The following AMZ1 variants were observed in gnomAD, a reference collection of about 807,000 sequenced individuals.
The protein encoded by AMZ1 is archaelysin family metallopeptidase 1, also known as archaemetzincin-1.
AMZ1 carries 39 observed loss-of-function variants against 29.9 expected under a neutral mutation model. That is an observed-to-expected ratio of 1.30 (90% CI 1.01 to 1.70). The LOEUF (loss-of-function observed/expected upper bound fraction) is 1.70. AMZ1 is among the 40% of genes most tolerant of loss of function. AMZ1 has a pLI of 0.00. For missense variants in AMZ1, 1,041 were observed against 680.6 expected, an observed-to-expected ratio of 1.53 and a Z score of -5.89; for synonymous variants, 458 against 304.0, an observed-to-expected ratio of 1.51 and a Z score of -5.27.
chr7:2,696,988 A>T (rs1787784964), intron 1 of AMZ1, among the ~76,000 whole-genome samples: 1 of 152,222 alleles, frequency 6.6e-6, no homozygotes, highest in African/African-American at 2.4e-5. Context: ...TCCTTCAAAC[A>T]TCCACATGTG....
chr7:2,749,334 A>C (rs1790913734), intron 4 of AMZ1, among the ~76,000 whole-genome samples: 1 of 152,250 alleles, frequency 6.6e-6, no homozygotes, highest in African/African-American at 2.4e-5. Context: ...TGGAGCCATA[A>C]AAAATGATGA....
intron 4 of AMZ1, among the ~76,000 whole-genome samples, chr7:2,735,374 T>C (rs1391214892): frequency 1.3e-5 from 2 of 152,188 alleles, no homozygotes; most frequent in Admixed American, 1.3e-4. Flanking sequence ...TGCAGGGTTC[T>C]AGCTGGGTCA....
chr7:2,680,396 G>A (rs1396245591), intron 1 of AMZ1, among the ~76,000 whole-genome samples: 1 of 152,088 alleles, frequency 6.6e-6, no homozygotes, highest in Non-Finnish European at 1.5e-5. Flanking sequence ...TGGAGACCCC[G>A]GGAGACCCCG....
intron 3 of AMZ1, among the ~76,000 whole-genome samples, chr7:2,708,180 C>G (rs969555529): frequency 3.3e-5 from 5 of 152,150 alleles, no homozygotes; most frequent in African/African-American, 1.2e-4. Flanking sequence ...AAAAACGCCT[C>G]CATCCCAAGA....
intron 4 of AMZ1, among the ~76,000 whole-genome samples, chr7:2,727,543 T>C (rs948436975): frequency 1.3e-5 from 2 of 152,070 alleles, no homozygotes; most frequent in African/African-American, 4.8e-5. Flanking sequence ...GCCCAGCTGA[T>C]TCTATCCGTA....
rs146105952 is a variant in AMZ1 at position 2,708,453 on chromosome 7, G to T, written c.473-135G>T. The T allele has an allele frequency of 1.6e-3, 2,135 of 1,355,662 alleles. 12 individuals are homozygous for T. Among genetic ancestry groups the T allele is most frequent in the Middle Eastern group, 0.012 (49 of 4,038 alleles). The allele number at this position is 1,355,662 out of a possible 1,614,324, so 84.0% of individuals were successfully genotyped here. A position where few individuals can be genotyped will look rare whatever the true frequency, so the allele number is the denominator to read the frequency against. Reference sequence around the variant, plus strand: ...TGTGTGCCCTCAGGTCACACCAAACGCTGGTGGCCCACACCTGACTTGGGA... The same window carrying T: ...TGTGTGCCCTCAGGTCACACCAAACTCTGGTGGCCCACACCTGACTTGGGA... On this transcript the variant is annotated intron_variant, in intron 3 of 6. Coordinates refer to ENST00000683327, the MANE Select transcript of AMZ1 (RefSeq NM_001384743.1).
At chr7:2,723,771 T>C (rs1789513363), downstream of AMZ1, among the ~76,000 whole-genome samples, 3 of 152,152 alleles carry the variant, frequency 2.0e-5, no homozygotes, top group African/African-American at 4.8e-5. Context: ...TCTCAGAGAC[T>C]CCCTCTGCGC....
chr7:2,721,512 C>T (rs576690437), downstream of AMZ1, among the ~76,000 whole-genome samples: 3 of 152,160 alleles, frequency 2.0e-5, no homozygotes, highest in Middle Eastern at 6.8e-3. Flanking sequence ...GTCAGGAGAT[C>T]GAGACCATCC....
downstream of AMZ1, among the ~76,000 whole-genome samples, chr7:2,722,264 G>A (rs964966453): frequency 1.3e-5 from 2 of 148,546 alleles, no homozygotes; most frequent in South Asian, 4.2e-4. Context: ...TAAGAAAAAG[G>A]GCATTTCGAA....
rs1183661564 is a variant in AMZ1, at chr7:2,717,999, G to A, written c.*5121G>A. Among the ~76,000 whole-genome samples, 2 of 152,168 alleles carry A rather than the reference G, an allele frequency of 1.3e-5. No individual in the cohort carries two copies. The highest frequency in any genetic ancestry group is 2.4e-5 in the African/African-American group (1 of 41,440). Reference sequence around the variant, plus strand: ...AAACACGGCGGCCCCTGCCTCCCCCGGCGGCTCCACAATGGCCCTCAGAGG... The same window carrying A: ...AAACACGGCGGCCCCTGCCTCCCCCAGCGGCTCCACAATGGCCCTCAGAGG... On this transcript the variant is annotated 3_prime_UTR_variant, in exon 7 of 7. Coordinates refer to ENST00000683327, the MANE Select transcript of AMZ1 (RefSeq NM_001384743.1).
At chr7:2,751,944 C>T (rs183591353) in intron 4 of AMZ1, among the ~76,000 whole-genome samples, 151 of 152,272 alleles carry the variant, frequency 9.9e-4, no homozygotes, top group African/African-American at 3.5e-3. Flanking sequence ...ATAACACTAA[C>T]GAACGTGAAC....
At position 2,702,824 on chromosome 7, in the gene AMZ1, C is replaced by A; in HGVS notation, c.407C>A (p.Ala136Glu). 6.4e-7 allele frequency: 1 copy of A among 1,563,130 alleles called. No homozygotes were observed. Among genetic ancestry groups the A allele is most frequent in the African/African-American group, 1.4e-5 (1 of 73,876 alleles). ...CGCGTCAAGTGCCTGCCGTCGGTGG[C>A]AGCCGCGTCCATCCGCTGCTCCTCG... ...GLRVKCLPSV[A>E]AASIRCSSRP... The change falls in exon 3 of 7, where the codon GCA becomes GAA. Residue 136 changes from alanine (A) to glutamate (E), a missense_variant. Ala to Glu is a moderately radical substitution (Grantham distance 107, BLOSUM62 -1). Transcript: ENST00000683327.
chr7:2,698,487 C>T (rs1787867096), intron 1 of AMZ1, among the ~76,000 whole-genome samples: 1 of 151,402 alleles, frequency 6.6e-6, no homozygotes, highest in African/African-American at 2.4e-5. Flanking sequence ...GCAGTGAGCC[C>T]AGATCACGAC....
upstream of AMZ1, among the ~76,000 whole-genome samples, chr7:2,685,629 C>T (rs1424427837): frequency 1.5e-4 from 22 of 150,306 alleles, no homozygotes; most frequent in Middle Eastern, 3.6e-3. Flanking sequence ...CCGTGGCAGG[C>T]GGATCACGAG....
Position 2,715,035 on chromosome 7 carries a change from G to C in AMZ1, c.*2157G>C, listed in dbSNP as rs1284287228. On this transcript the variant is annotated 3_prime_UTR_variant, in exon 7 of 7. Coordinates refer to ENST00000683327, the MANE Select transcript of AMZ1 (RefSeq NM_001384743.1). ...GGAGGTAACTGTGCCAGAATAAAGA[G>C]GGGAGACGAAAAAAAGAGGGTCACT... The C allele has an allele frequency of 2.0e-5, 3 of 152,408 alleles. No homozygotes were observed. Among genetic ancestry groups the C allele is most frequent in the South Asian group, 4.1e-4 (2 of 4,830 alleles). 9.4% of individuals were successfully genotyped at this position (152,408 alleles called of 1,614,324 possible). A position where few individuals can be genotyped will look rare whatever the true frequency, so the allele number is the denominator to read the frequency against.
At chr7:2,733,347 G>T (rs914129918) in intron 4 of AMZ1, 3 of 878,846 alleles carry the variant, frequency 3.4e-6, no homozygotes, top group Non-Finnish European at 5.6e-6. Context: ...AACAAGCTCG[G>T]CCTGTCAGTC....
Position 2,717,532 on chromosome 7 carries a change from G to A in AMZ1, c.*4654G>A, listed in dbSNP as rs1399409878. On this transcript the variant is annotated 3_prime_UTR_variant, in exon 7 of 7. Transcript: ENST00000683327. ...CTGAAATCTAGCTGTGATCCCTGTG[G>A]GGCAACTGCACACAGAGGTGCCCAG... is the stretch of plus-strand genomic sequence containing the variant. Among the ~76,000 whole-genome samples, 1 of 152,206 alleles carries A rather than the reference G, an allele frequency of 6.6e-6. No individual in the cohort carries two copies. Among genetic ancestry groups the A allele is most frequent in the African/African-American group, 2.4e-5 (1 of 41,452 alleles).
chr7:2,685,102 C>A (rs375260749), upstream of AMZ1, among the ~76,000 whole-genome samples: 13 of 151,718 alleles, frequency 8.6e-5, no homozygotes, highest in East Asian at 2.2e-3. Flanking sequence ...ATCTTCTGAC[C>A]TCGTGATCCG....
At chr7:2,737,337 G>A (rs1005136068) in intron 4 of AMZ1, among the ~76,000 whole-genome samples, 14 of 133,400 alleles carry the variant, frequency 1.0e-4, no homozygotes, top group Non-Finnish European at 1.7e-4. Flanking sequence ...CGCCCCGGCT[G>A]GAGTGCAGTG....
Sources: gnomAD v4.1 joint callset for allele counts (sites outside exome capture counted in the v4.1 genomes callset) on GRCh38, gnomAD v4.1.1 for gene constraint, MANE v1.5 for transcripts, NCBI Gene and HGNC (gene_info 2026-07-23, HGNC 2026-07-21) for gene names.